The following EIF4G2 variants were observed in gnomAD, a reference collection of about 807,000 sequenced individuals.
EIF4G2 encodes the protein DAP-5.
Under a neutral mutation model 117.7 loss-of-function variants are expected in EIF4G2, and 8 were observed. That is an observed-to-expected ratio of 0.07 (90% CI 0.04 to 0.12). The LOEUF is 0.12. Ranked by LOEUF, EIF4G2 falls within the 10% of genes least tolerant of loss-of-function variation. The probability of loss-of-function intolerance (pLI) is 1.00; values close to 1 mark genes in which losing one functional copy is unlikely to be tolerated. For synonymous variants in EIF4G2, 413 were observed against 367.8 expected (o/e 1.12, Z -1.41); for missense variants, 812 against 1,086.2 (o/e 0.75, Z 3.55).
intron 1 of EIF4G2, chr11:10,807,855 A>AG: frequency 2.0e-6 from 2 of 985,650 alleles, no homozygotes; most frequent in Non-Finnish European, 2.4e-6. Flanking sequence ...GACGCGCGAG[A>AG]GGGGGCCGGG....
At chr11:10,800,669 T>C (rs920311730) in intron 16 of EIF4G2, 22 bp from the exon 17 acceptor site, 2 of 1,614,006 alleles carry the variant, frequency 1.2e-6, no homozygotes, top group South Asian at 2.2e-5. Context: ...ACAAGTATCT[T>C]TAATGTATTC....
Position 10,799,131 on chromosome 11 carries a change from A to T in EIF4G2, c.2537-18T>A. 6.3e-7 allele frequency: 1 copy of T among 1,575,336 alleles called. No homozygotes were observed. Among genetic ancestry groups the T allele is most frequent in the Non-Finnish European group, 8.6e-7 (1 of 1,168,704 alleles). Reference sequence around the variant, plus strand: ...TAACATGCCTTAAAAAAAAAAAAAAAAAGAAAAAAGTAATAAGCCCATTAT... The same window carrying T: ...TAACATGCCTTAAAAAAAAAAAAAATAAGAAAAAAGTAATAAGCCCATTAT... On this transcript the variant is annotated intron_variant, in intron 20 of 21. Transcript: ENST00000339995.
At chr11:10,801,459 T>C (rs1308770117) in intron 14 of EIF4G2, 6 of 727,530 alleles carry the variant, frequency 8.2e-6, no homozygotes, top group East Asian at 2.5e-5. Context: ...TAACAGACTT[T>C]AGGAGACTTG....
chr11:10,801,943 G>A, intron 13 of EIF4G2, 106 bp downstream of exon 13: 1 of 483,362 alleles, frequency 2.1e-6, no homozygotes, highest in Non-Finnish European at 2.5e-6. Flanking sequence ...CAAATAAAGT[G>A]ATGTGATTTT....
intron 11 of EIF4G2, 133 bp from the exon 12 acceptor site, chr11:10,802,568 C>A: frequency 8.0e-7 from 1 of 1,253,644 alleles, no homozygotes; most frequent in Non-Finnish European, 1.1e-6. Context: ...ATAACTTCTT[C>A]CAAAAATGGC....
chr11:10,808,163 G>A, intron 1 of EIF4G2: 11 of 1,111,160 alleles, frequency 9.9e-6, no homozygotes, highest in Non-Finnish European at 1.2e-5. Context: ...AATCCCCCCG[G>A]GACTGACAAC....
chr11:10,806,558 A>G (rs2135420659), intron 3 of EIF4G2: 1 of 463,312 alleles, frequency 2.2e-6, no homozygotes, highest in South Asian at 3.0e-5. Flanking sequence ...TAGGAATAAT[A>G]GCTACTGATT....
intron 3 of EIF4G2, chr11:10,806,487 AAC>A: frequency 3.0e-6 from 1 of 332,938 alleles, no homozygotes. Flanking sequence ...GCTGCCAATA[AAC>A]ACTTTCTAAT....
chr11:10,804,733 T>C, intron 5 of EIF4G2, 180 bp downstream of exon 5: 1 of 619,002 alleles, frequency 1.6e-6, no homozygotes, highest in African/African-American at 1.8e-5. Flanking sequence ...CATTTACCTC[T>C]TCAATCTAAT....
rs1220489578 is a variant in EIF4G2 at position 10,808,804 on chromosome 11, A to T, written c.-186T>A. Reference sequence around the variant, plus strand: ...GGAAAGGGGAACGGAAAACAAAAAAAAGGGGGAGGGAAGGGGGAGGAAGGA... The same window carrying T: ...GGAAAGGGGAACGGAAAACAAAAAATAGGGGGAGGGAAGGGGGAGGAAGGA... On this transcript the variant is annotated 5_prime_UTR_variant, in exon 1 of 22. Coordinates refer to ENST00000339995, the MANE Select transcript of EIF4G2 (RefSeq NM_001418.4). 1.2e-5 allele frequency: 2 copies of T among 168,844 alleles called. No individual in the cohort carries two copies. The highest frequency in any genetic ancestry group is 2.6e-5 in the Non-Finnish European group (2 of 76,708). The allele number at this position is 168,844 out of a possible 1,614,324, so 10.5% of individuals were successfully genotyped here.
chr11:10,800,722 G>A lies in EIF4G2; in HGVS notation c.1644+9C>T. The A allele has an allele frequency of 1.2e-6, 2 of 1,614,098 alleles. No homozygotes were observed. Among genetic ancestry groups the A allele is most frequent in the Non-Finnish European group, 1.7e-6 (2 of 1,180,004 alleles). On this transcript the variant is annotated intron_variant, in intron 16 of 21. Transcript: ENST00000339995. ...CTAATTACACTAAAATGGGATATTT[G>A]AAACTTACAGTTAGTTTAAGGAGTT... is the stretch of plus-strand genomic sequence containing the variant.
rs866951197 is a variant in EIF4G2 at position 10,803,572 on chromosome 11, T to G, written c.721A>C (p.Arg241=). ...TCTCCCATATCTTTGAGTTGGACTC[T>G]CTTCTTCTTTTCCAAAAGCTACAAG... The change falls in exon 9 of 22, where the codon AGA becomes CGA. Residue 241 remains arginine (R), a synonymous_variant. Transcript: ENST00000339995. This position sits in a 1 kb window ranked among gnomAD's most constrained non-coding sequence, Gnocchi z 4.0. 6.2e-7 allele frequency: 1 copy of G among 1,613,840 alleles called. No homozygotes were observed. The highest frequency in any genetic ancestry group is 1.6e-4 in the Middle Eastern group (1 of 6,062).
At chr11:10,808,575 A>C in intron 1 of EIF4G2, 130 bp downstream of exon 1, 1 of 969,480 alleles carries the variant, frequency 1.0e-6, no homozygotes, top group Non-Finnish European at 1.3e-6. Flanking sequence ...AGCGCAGAGG[A>C]AATGCTAAAA....
chr11:10,806,002 A>T lies in EIF4G2; in HGVS notation c.153T>A (p.Ile51=). The change falls in exon 4 of 22, where the codon ATT becomes ATA. Residue 51 remains isoleucine (I), a synonymous_variant. Coordinates refer to ENST00000339995, the MANE Select transcript of EIF4G2 (RefSeq NM_001418.4). ...CATCTCGTCTAGTGCTTCGTGCAGG[A>T]ATCCATTTCTGAGCGTTTTGCCCTG... 6.2e-7 allele frequency: 1 copy of T among 1,614,222 alleles called. No homozygotes were observed. Among genetic ancestry groups the T allele is most frequent in the Non-Finnish European group, 8.5e-7 (1 of 1,180,034 alleles).
At chr11:10,806,450 G>A (rs1480107969) in intron 3 of EIF4G2, 1 of 321,600 alleles carries the variant, frequency 3.1e-6, no homozygotes. Context: ...GTTGTTGTTG[G>A]GATTACAGGT....
rs777425913 is a variant in EIF4G2 at position 10,799,373 on chromosome 11, A to C, written c.2376T>G (p.Asp792Glu). ...GTTCTTTGGAAGGAGCAGAGGATGA[A>C]TCTGTTTCATCGCTGGGGGGGTTTA... Residue 792 changes from aspartate (D) to glutamate (E), a missense_variant, in exon 20 of 22, where the codon GAT (aspartate) becomes GAG (glutamate). Physicochemically the swap from Asp to Glu is conservative, Grantham distance 45. Transcript: ENST00000339995. 1 of 1,612,850 alleles carries C rather than the reference A, an allele frequency of 6.2e-7. No individual in the cohort carries two copies. Among genetic ancestry groups the C allele is most frequent in the Non-Finnish European group, 8.5e-7 (1 of 1,180,020 alleles).
At chr11:10,798,316 AGTT>A (rs1847317899) in intron 21 of EIF4G2, among the ~76,000 whole-genome samples, 1 of 151,816 alleles carries the variant, frequency 6.6e-6, no homozygotes, top group Non-Finnish European at 1.5e-5. Flanking sequence ...TAGGGCTACA[AGTT>A]CATTCAATAA....
intron 14 of EIF4G2, 43 bp downstream of exon 14, chr11:10,801,618 G>T (rs1171831554): frequency 6.4e-7 from 1 of 1,558,984 alleles, no homozygotes; most frequent in South Asian, 1.1e-5. Flanking sequence ...ATAAATTTCT[G>T]AATGGACAAA....
chr11:10,805,894 C>T lies in EIF4G2; in HGVS notation c.248+13G>A, dbSNP rs1472113992. 2.5e-6 allele frequency: 4 copies of T among 1,614,086 alleles called. No individual in the cohort carries two copies. The highest frequency in any genetic ancestry group is 2.7e-5 in the African/African-American group (2 of 74,924). ...ACTTCCCATCTTTTAGTAAAACAGA[C>T]CTTGAAACTTACCCTCTTACTTTCC... On this transcript the variant is annotated intron_variant, in intron 4 of 21. Coordinates refer to ENST00000339995, the MANE Select transcript of EIF4G2 (RefSeq NM_001418.4).
Sources: gnomAD v4.1 joint callset for allele counts (sites outside exome capture counted in the v4.1 genomes callset) on GRCh38, gnomAD v4.1.1 for gene constraint, Gnocchi (gnomAD v3.1) non-coding constraint, MANE v1.5 for transcripts, NCBI Gene and HGNC (gene_info 2026-07-23, HGNC 2026-07-21) for gene names.